The following MICU1 variants were observed in gnomAD, a reference collection of about 807,000 sequenced individuals.
MICU1 encodes calcium uptake protein 1, mitochondrial.
Under a neutral mutation model 56.8 loss-of-function variants are expected in MICU1, and 45 were observed. The ratio of observed to expected loss-of-function variants is 0.79; its 90% CI spans 0.62 to 1.02. MICU1 has a LOEUF of 1.02. Ranked by LOEUF, MICU1 falls within the 50% of genes least tolerant of loss-of-function variation. MICU1 has a pLI of 0.00. For synonymous variants in MICU1, 186 were observed against 195.1 expected, an observed-to-expected ratio of 0.95 and a Z score of 0.39; for missense variants, 504 against 587.1, an observed-to-expected ratio of 0.86 and a Z score of 1.46.
intron 4 of MICU1, among the ~76,000 whole-genome samples, chr10:72,539,138 T>C (rs148399346): frequency 0.012 from 1,778 of 152,224 alleles, 22 homozygotes; most frequent in Middle Eastern, 0.041. Flanking sequence ...AATACAATAA[T>C]ATTAGGGGGC....
At chr10:72,591,470 C>T (rs1396200896) in intron 1 of MICU1, among the ~76,000 whole-genome samples, 4 of 151,796 alleles carry the variant, frequency 2.6e-5, no homozygotes, top group African/African-American at 9.7e-5. Context: ...AAAATCAACA[C>T]ACCTTTAGCT....
chr10:72,429,424 A>G (rs1365197888), intron 8 of MICU1, among the ~76,000 whole-genome samples: 1 of 151,530 alleles, frequency 6.6e-6, no homozygotes, highest in East Asian at 1.9e-4. Flanking sequence ...TGCCTCAAAA[A>G]AAAAAAAAAA....
chr10:72,596,423 G>C (rs1841383389), intron 1 of MICU1, among the ~76,000 whole-genome samples: 1 of 152,030 alleles, frequency 6.6e-6, no homozygotes, highest in South Asian at 2.1e-4. Flanking sequence ...GAGTGACAGA[G>C]AGACCCTGTC....
intron 8 of MICU1, chr10:72,473,442 T>C (rs953328276): frequency 2.6e-5 from 4 of 152,168 alleles, no homozygotes; most frequent in Non-Finnish European, 5.9e-5. Context: ...ATAATTTGCA[T>C]TCTTTCATTT....
At chr10:72,417,071 T>C (rs894907271) in intron 9 of MICU1, among the ~76,000 whole-genome samples, 1 of 152,198 alleles carries the variant, frequency 6.6e-6, no homozygotes, top group African/African-American at 2.4e-5. Context: ...GGCTGATCGA[T>C]AAATATTGAA....
At chr10:72,468,139 TG>T (rs1035891510) in intron 8 of MICU1, among the ~76,000 whole-genome samples, 4 of 152,140 alleles carry the variant, frequency 2.6e-5, no homozygotes, top group African/African-American at 7.2e-5. Context: ...CGGGCCAAAA[TG>T]TAACAATTTT....
At chr10:72,529,540 A>C (rs1328995946) in intron 5 of MICU1, among the ~76,000 whole-genome samples, 1 of 152,150 alleles carries the variant, frequency 6.6e-6, no homozygotes, top group Non-Finnish European at 1.5e-5. Flanking sequence ...TTATTCTGTG[A>C]CTTTATAAAA....
chr10:72,593,656 A>T (rs1841292284), intron 1 of MICU1, among the ~76,000 whole-genome samples: 1 of 152,244 alleles, frequency 6.6e-6, no homozygotes, highest in Non-Finnish European at 1.5e-5. Flanking sequence ...TAGAACTAAT[A>T]AATGAATTCA....
At chr10:72,389,428 T>G (rs561108572) in intron 10 of MICU1, among the ~76,000 whole-genome samples, 1 of 152,308 alleles carries the variant, frequency 6.6e-6, no homozygotes, top group Admixed American at 6.5e-5. Context: ...GAAAAAATAC[T>G]TGGGGTTGCA....
At chr10:72,583,644 C>T (rs761560068) in intron 1 of MICU1, among the ~76,000 whole-genome samples, 6 of 152,050 alleles carry the variant, frequency 3.9e-5, no homozygotes, top group South Asian at 2.1e-4. Flanking sequence ...TGAAATTATT[C>T]GAGGAATGGG....
At chr10:72,487,034 G>A (rs139263897) in intron 6 of MICU1, among the ~76,000 whole-genome samples, 1 of 152,172 alleles carries the variant, frequency 6.6e-6, no homozygotes, top group Non-Finnish European at 1.5e-5. Context: ...GGTGAAGCTT[G>A]GGTGAAATCA....
chr10:72,406,020 A>C (rs776845658), intron 10 of MICU1, among the ~76,000 whole-genome samples: 1 of 152,064 alleles, frequency 6.6e-6, no homozygotes, highest in Non-Finnish European at 1.5e-5. Context: ...AAAAGCCATA[A>C]ATTTTTTTTT....
intron 4 of MICU1, among the ~76,000 whole-genome samples, chr10:72,544,122 G>A (rs1432658943): frequency 2.0e-5 from 3 of 151,988 alleles, no homozygotes; most frequent in Admixed American, 6.6e-5. Context: ...GTCCTGTTCT[G>A]TTCTGTTCTG....
At chr10:72,512,273 G>C (rs1193390091) in intron 5 of MICU1, among the ~76,000 whole-genome samples, 4 of 151,820 alleles carry the variant, frequency 2.6e-5, no homozygotes, top group Non-Finnish European at 5.9e-5. Flanking sequence ...ACCACGTCTG[G>C]CTAATTTTTT....
chr10:72,416,445 A>G (rs181461213), intron 9 of MICU1, among the ~76,000 whole-genome samples: 1 of 152,312 alleles, frequency 6.6e-6, no homozygotes, highest in African/African-American at 2.4e-5. Flanking sequence ...AATTTCTAGA[A>G]TCTGATATTC....
chr10:72,392,798 C>T (rs932710291), intron 10 of MICU1, among the ~76,000 whole-genome samples: 4 of 152,146 alleles, frequency 2.6e-5, no homozygotes, highest in African/African-American at 9.7e-5. Context: ...AGAACTCAAA[C>T]CAATGGAAAG....
At chr10:72,477,877 CTT>C (rs796702214) in intron 6 of MICU1, among the ~76,000 whole-genome samples, 1 of 137,196 alleles carries the variant, frequency 7.3e-6, no homozygotes. Context: ...ATTTTTTTTT[CTT>C]TTTTTTTTTG....
chr10:72,489,082 C>T (rs754308098), intron 6 of MICU1, among the ~76,000 whole-genome samples: 9 of 152,006 alleles, frequency 5.9e-5, no homozygotes, highest in South Asian at 4.1e-4. Flanking sequence ...TGAGGTTAGG[C>T]GTTCAAGACC....
chr10:72,601,445 AAAAG>A (rs1430028645), intron 1 of MICU1, among the ~76,000 whole-genome samples: 1 of 151,142 alleles, frequency 6.6e-6, no homozygotes, highest in Non-Finnish European at 1.5e-5. Flanking sequence ...AAAAAAAAAA[AAAAG>A]GAAAGAAAAG....
Sources: gnomAD v4.1 joint callset for allele counts (sites outside exome capture counted in the v4.1 genomes callset) on GRCh38, gnomAD v4.1.1 for gene constraint, MANE v1.5 for transcripts, NCBI Gene and HGNC (gene_info 2026-07-23, HGNC 2026-07-21) for gene names.